The following ANO4 variants were observed in gnomAD, a reference collection of about 807,000 sequenced individuals.
The protein encoded by ANO4 is anoctamin 4.
In ANO4, 69 loss-of-function variants were observed where a neutral mutation model predicts 141.9. That is an observed-to-expected ratio of 0.49 (90% CI 0.40 to 0.59). The LOEUF (loss-of-function observed/expected upper bound fraction) is 0.59, where lower values mean the gene tolerates loss of function less well. Ranked by LOEUF, ANO4 falls within the 20% of genes least tolerant of loss-of-function variation. The pLI, the probability that ANO4 is intolerant of heterozygous loss-of-function variation, is 0.00. For missense variants in ANO4, 894 were observed against 1,162.2 expected, an observed-to-expected ratio of 0.77 and a Z score of 3.36; for synonymous variants, 350 against 394.3, an observed-to-expected ratio of 0.89 and a Z score of 1.33.
At chr12:101,051,636 G>A (rs2047876620) in intron 14 of ANO4, among the ~76,000 whole-genome samples, 1 of 152,168 alleles carries the variant, frequency 6.6e-6, no homozygotes, top group South Asian at 2.1e-4. Context: ...CCTAAGCATT[G>A]CCCATGTATC....
At chr12:101,033,382 G>A (rs1306718015) in intron 9 of ANO4, among the ~76,000 whole-genome samples, 2 of 152,022 alleles carry the variant, frequency 1.3e-5, no homozygotes, top group Admixed American at 6.6e-5. Context: ...ACGAGCTAGT[G>A]GGTGCAGCAC....
chr12:101,123,712 C>T (rs146483275), intron 26 of ANO4, among the ~76,000 whole-genome samples: 123 of 152,174 alleles, frequency 8.1e-4, no homozygotes, highest in African/African-American at 2.9e-3. Flanking sequence ...TTTTATCCAG[C>T]CTATCATTGA....
At chr12:100,883,188 C>T (rs561328316) in intron 1 of ANO4, among the ~76,000 whole-genome samples, 1 of 152,270 alleles carries the variant, frequency 6.6e-6, no homozygotes, top group East Asian at 1.9e-4. Flanking sequence ...AAATACAGTC[C>T]GTAAAACATT....
At chr12:101,004,766 CCTT>C (rs1175521375) in intron 8 of ANO4, among the ~76,000 whole-genome samples, 15 of 152,204 alleles carry the variant, frequency 9.9e-5, no homozygotes, top group Middle Eastern at 3.4e-3. Flanking sequence ...ATTTTAATGT[CCTT>C]CTTTATTGAC....
intron 1 of ANO4, among the ~76,000 whole-genome samples, chr12:100,860,496 A>G (rs921162149): frequency 3.9e-5 from 6 of 152,160 alleles, no homozygotes; most frequent in Admixed American, 6.5e-5. Flanking sequence ...GGCATCTGGG[A>G]ACATACATGT....
intron 1 of ANO4, among the ~76,000 whole-genome samples, chr12:100,812,423 A>G (rs1279957094): frequency 6.6e-6 from 1 of 152,148 alleles, no homozygotes; most frequent in African/African-American, 2.4e-5. Context: ...CTGGATGTAG[A>G]GGCAGCATGA....
intron 1 of ANO4, among the ~76,000 whole-genome samples, chr12:100,844,709 G>A (rs2037466483): frequency 6.6e-6 from 1 of 151,970 alleles, no homozygotes; most frequent in African/African-American, 2.4e-5. Flanking sequence ...TATAGAGAGT[G>A]AGGAATGAAA....
intron 3 of ANO4, among the ~76,000 whole-genome samples, chr12:100,939,058 T>A (rs943911289): frequency 6.6e-6 from 1 of 152,224 alleles, no homozygotes; most frequent in African/African-American, 2.4e-5. Context: ...CCTGCTATCA[T>A]GGAAGACAAA....
At chr12:101,125,738 G>A (rs866164468) in intron 26 of ANO4, among the ~76,000 whole-genome samples, 1 of 152,206 alleles carries the variant, frequency 6.6e-6, no homozygotes, top group South Asian at 2.1e-4. Context: ...TCCCAGGGAT[G>A]AAGCCAACTT....
At chr12:100,988,960 A>G (rs1410915759) in intron 8 of ANO4, among the ~76,000 whole-genome samples, 1 of 151,964 alleles carries the variant, frequency 6.6e-6, no homozygotes, top group Non-Finnish European at 1.5e-5. Context: ...CCAGGTGGGG[A>G]CATATTTCAG....
intron 24 of ANO4, among the ~76,000 whole-genome samples, chr12:101,112,886 C>G (rs1209175288): frequency 6.6e-6 from 1 of 152,220 alleles, no homozygotes; most frequent in East Asian, 1.9e-4. Context: ...AGTGAGCATA[C>G]CATCCCATTT....
intron 1 of ANO4, chr12:100,717,631 C>A (rs1050130172): frequency 5.0e-6 from 2 of 398,298 alleles, no homozygotes; most frequent in Non-Finnish European, 8.9e-6. Context: ...GGGGAAACTT[C>A]GGGGTTCGCC....
intron 1 of ANO4, among the ~76,000 whole-genome samples, chr12:100,723,480 C>T (rs1040945223): frequency 6.6e-6 from 1 of 152,018 alleles, no homozygotes; most frequent in Non-Finnish European, 1.5e-5. Context: ...GGGAACTAAT[C>T]CCATCACCGG....
chr12:100,978,286 A>G (rs1029712194), intron 7 of ANO4, among the ~76,000 whole-genome samples: 2 of 152,262 alleles, frequency 1.3e-5, no homozygotes, highest in East Asian at 1.9e-4. Flanking sequence ...GAAAAGAAGC[A>G]TAGAAAAACC....
chr12:100,964,872 T>G (rs2043583992), intron 5 of ANO4, among the ~76,000 whole-genome samples: 1 of 152,182 alleles, frequency 6.6e-6, no homozygotes, highest in South Asian at 2.1e-4. Context: ...TTACTCTATT[T>G]TTCTTCAAAG....
At chr12:100,881,140 G>T (rs925244926) in intron 1 of ANO4, among the ~76,000 whole-genome samples, 20 of 151,342 alleles carry the variant, frequency 1.3e-4, no homozygotes, top group African/African-American at 2.4e-4. Flanking sequence ...GTTTTGGGGT[G>T]GGGGGAGGCG....
At chr12:101,102,321 G>T (rs1593273065) in intron 22 of ANO4, among the ~76,000 whole-genome samples, 2 of 152,252 alleles carry the variant, frequency 1.3e-5, no homozygotes, top group South Asian at 4.1e-4. Flanking sequence ...AAACTGGGCT[G>T]TGCCAGTTTA....
intron 25 of ANO4, 75 bp downstream of exon 25, chr12:101,116,873 C>T (rs544630167): frequency 6.3e-7 from 1 of 1,592,474 alleles, no homozygotes; most frequent in African/African-American, 1.3e-5. Context: ...TCTGAAGGCC[C>T]CTTCTGGCTG....
intron 3 of ANO4, among the ~76,000 whole-genome samples, chr12:100,756,687 T>G (rs1329667286): frequency 2.0e-5 from 3 of 152,138 alleles, no homozygotes; most frequent in Non-Finnish European, 4.4e-5. Flanking sequence ...GACTCTTTGG[T>G]GGATATTTCA....
Sources: allele counts gnomAD v4.1 joint callset (sites outside exome capture counted in the v4.1 genomes callset), GRCh38; gene constraint gnomAD v4.1.1; transcripts MANE v1.5; gene names NCBI Gene and HGNC (gene_info 2026-07-23, HGNC 2026-07-21).